The following CEP76 variants were observed in gnomAD, a reference collection of about 807,000 sequenced individuals.
CEP76 encodes centrosomal protein 76, also known as centrosomal protein of 76 kDa.
In CEP76, 55 loss-of-function variants were observed where a neutral mutation model predicts 83.3. That is an observed-to-expected ratio of 0.66 (90% CI 0.53 to 0.83). The LOEUF is 0.83. CEP76 is among the 40% of genes least tolerant of loss of function. CEP76 has a pLI of 0.00. For synonymous variants in CEP76, 270 were observed against 274.5 expected (o/e 0.98, Z 0.16); for missense variants, 694 against 799.5 (o/e 0.87, Z 1.59).
intron 5 of CEP76, among the ~76,000 whole-genome samples, chr18:12,696,073 C>T (rs1442176757): frequency 6.6e-6 from 1 of 152,088 alleles, no homozygotes; most frequent in African/African-American, 2.4e-5. Context: ...GTTTCCAGGT[C>T]ACTGCTACGA....
At chr18:12,695,893 TAGAA>T (rs1375554832) in intron 5 of CEP76, among the ~76,000 whole-genome samples, 1 of 143,846 alleles carries the variant, frequency 7.0e-6, no homozygotes, top group East Asian at 2.1e-4. Context: ...CACTAAAAAT[TAGAA>T]AGCATTTATA....
chr18:12,671,642 CTTTT>C (rs869130220), downstream of CEP76, among the ~76,000 whole-genome samples: 6 of 55,542 alleles, frequency 1.1e-4, no homozygotes, highest in Non-Finnish European at 1.8e-4. Flanking sequence ...TTCACACTTT[CTTTT>C]TTTTTTTTTT....
chr18:12,701,024 A>G lies in CEP76; in HGVS notation c.153T>C (p.Asp51=), dbSNP rs1259450104. 5 of 1,613,832 alleles carry G rather than the reference A, an allele frequency of 3.1e-6. No individual in the cohort carries two copies. The highest frequency in any genetic ancestry group is 8.5e-7 in the Non-Finnish European group (1 of 1,179,896). The change falls in exon 2 of 12, where the codon GAT becomes GAC. Residue 51 remains aspartate, a synonymous_variant. Coordinates refer to ENST00000262127, the MANE Select transcript of CEP76 (RefSeq NM_024899.4). ...CTCGACGTCTAAGGGCTTTGATCAA[A>G]TCTTCTGTTGATAAATGCTGTTGAT... ...APDQQHLSTE[D]LIKALRRRGI... is the part of the protein sequence containing the mutation.
chr18:12,672,272 A>T (rs918060601), downstream of CEP76, among the ~76,000 whole-genome samples: 1 of 149,656 alleles, frequency 6.7e-6, no homozygotes, highest in Non-Finnish European at 1.5e-5. Context: ...GAGCCACCGC[A>T]CCCGGCCTAA....
chr18:12,668,365 G>A (rs1189708759), downstream of CEP76, among the ~76,000 whole-genome samples: 1 of 151,950 alleles, frequency 6.6e-6, no homozygotes, highest in Non-Finnish European at 1.5e-5. Flanking sequence ...CCCGAGGTGG[G>A]CAGATCACTT....
At chr18:12,665,553 C>T (rs1199222518) in intron 12 of CEP76, among the ~76,000 whole-genome samples, 3 of 152,162 alleles carry the variant, frequency 2.0e-5, no homozygotes, top group African/African-American at 7.2e-5. Flanking sequence ...GTGTAACCCT[C>T]GCTCCTACTC....
Position 12,699,158 on chromosome 18 carries a change from C to G in CEP76, c.341G>C (p.Gly114Ala), listed in dbSNP as rs1449747590. 6.2e-7 allele frequency: 1 copy of G among 1,614,038 alleles called. No individual in the cohort carries two copies. Among genetic ancestry groups the G allele is most frequent in the Non-Finnish European group, 8.5e-7 (1 of 1,179,956 alleles). ...TRRYLYLQVL[G>A]GKAFLEHLQE... ...CAGATGTTCCAAGAAAGCTTTTCCA[C>G]CCAAAACCTGAAGGTAAAGATACCT... is the stretch of plus-strand genomic sequence containing the variant. The change falls in exon 4 of 12, where the codon GGT becomes GCT. Residue 114 changes from glycine (G) to alanine (A), a missense_variant. Transcript: ENST00000262127.
intron 12 of CEP76, chr18:12,665,065 G>C (rs549518673): frequency 3.1e-4 from 47 of 152,130 alleles, no homozygotes; most frequent in African/African-American, 1.1e-3. Context: ...TGATGTACAG[G>C]TAGAGGTCTA....
At chr18:12,693,296 T>C (rs900910081) in intron 6 of CEP76, among the ~76,000 whole-genome samples, 1 of 152,148 alleles carries the variant, frequency 6.6e-6, no homozygotes, top group Non-Finnish European at 1.5e-5. Flanking sequence ...CAATGGTCCA[T>C]GTCTGCAATC....
intron 1 of CEP76, among the ~76,000 whole-genome samples, chr18:12,701,633 A>G (rs1024157200): frequency 6.6e-6 from 1 of 152,278 alleles, no homozygotes; most frequent in East Asian, 1.9e-4. Flanking sequence ...GGGCACCATA[A>G]ATGGTCGCTT....
chr18:12,668,985 C>G (rs921372943), downstream of CEP76, among the ~76,000 whole-genome samples: 3 of 148,184 alleles, frequency 2.0e-5, no homozygotes, highest in Admixed American at 6.8e-5. Context: ...GGTGATCTGC[C>G]TGCCTCAGCC....
chr18:12,702,278 GCTAGC>G (rs1199109026), intron 1 of CEP76: 1 of 543,912 alleles, frequency 1.8e-6, no homozygotes. Flanking sequence ...CCAGACTCTT[GCTAGC>G]ACCTGCTCGG....
chr18:12,662,560 G>C (rs2038715174), intron 12 of CEP76, among the ~76,000 whole-genome samples: 2 of 152,190 alleles, frequency 1.3e-5, no homozygotes, highest in South Asian at 4.1e-4. Context: ...AGCATCATTT[G>C]AGCTCACAAG....
chr18:12,668,554 C>T (rs1342343604), downstream of CEP76, among the ~76,000 whole-genome samples: 4 of 131,756 alleles, frequency 3.0e-5, no homozygotes, highest in African/African-American at 1.1e-4. Flanking sequence ...GCCAAGATTG[C>T]ACCACTGCAC....
At chr18:12,670,823 A>AT (rs1416578211), downstream of CEP76, 5 of 151,854 alleles carry the variant, frequency 3.3e-5, no homozygotes, top group African/African-American at 1.2e-4. Flanking sequence ...AATTTTTTAC[A>AT]TTTTTTGTAG....
intron 10 of CEP76, among the ~76,000 whole-genome samples, chr18:12,677,021 C>A (rs577056261): frequency 6.6e-6 from 1 of 152,276 alleles, no homozygotes; most frequent in South Asian, 2.1e-4. Context: ...CTTTTCCCAC[C>A]CCACAGCTTC....
At chr18:12,679,953 G>A (rs966863970) in intron 9 of CEP76, among the ~76,000 whole-genome samples, 2 of 151,950 alleles carry the variant, frequency 1.3e-5, no homozygotes, top group Admixed American at 1.3e-4. Flanking sequence ...CTACGCAAGA[G>A]GCTGAGGTAG....
intron 7 of CEP76, among the ~76,000 whole-genome samples, chr18:12,688,704 T>C (rs2145056833): frequency 6.6e-6 from 1 of 152,324 alleles, no homozygotes; most frequent in East Asian, 1.9e-4. Context: ...TATTTAAATT[T>C]TAATTAAAAT....
intron 12 of CEP76, chr18:12,662,203 A>AC (rs398120189): frequency 1.1e-5 from 5 of 445,872 alleles, no homozygotes; most frequent in Non-Finnish European, 2.2e-5. Context: ...AAAAAAAAAA[A>AC]CAGCATATTT....
Sources: gnomAD v4.1 joint callset for allele counts (sites outside exome capture counted in the v4.1 genomes callset) on GRCh38, gnomAD v4.1.1 for gene constraint, MANE v1.5 for transcripts, NCBI Gene and HGNC (gene_info 2026-07-23, HGNC 2026-07-21) for gene names.